The following VPS50 variants were observed in gnomAD, a reference collection of about 807,000 sequenced individuals.
The protein encoded by VPS50 is syndetin.
Under a neutral mutation model 139.7 loss-of-function variants are expected in VPS50, and 70 were observed. That is an observed-to-expected ratio of 0.50 (90% CI 0.41 to 0.61). The LOEUF is 0.61. Ranked by LOEUF, VPS50 falls within the 20% of genes least tolerant of loss-of-function variation. VPS50 has a pLI of 0.00. For synonymous variants in VPS50, 365 were observed against 376.7 expected (o/e 0.97, Z 0.36); for missense variants, 921 against 1,133.7 (o/e 0.81, Z 2.69).
intron 12 of VPS50, among the ~76,000 whole-genome samples, chr7:93,280,426 T>C (rs1796290265): frequency 6.6e-6 from 1 of 152,138 alleles, no homozygotes; most frequent in Non-Finnish European, 1.5e-5. Flanking sequence ...CATACTTCAT[T>C]TCTGGAAAGG....
chr7:93,247,284 G>T (rs750498112), intron 2 of VPS50, among the ~76,000 whole-genome samples: 1 of 151,842 alleles, frequency 6.6e-6, no homozygotes, highest in Non-Finnish European at 1.5e-5. Context: ...TACTTTTAGT[G>T]AAGAAAATAT....
At chr7:93,295,373 C>G (rs1396016214) in intron 14 of VPS50, 1 of 152,132 alleles carries the variant, frequency 6.6e-6, no homozygotes, top group Non-Finnish European at 1.5e-5. Context: ...GAGGGCTCTA[C>G]CTTCACGATT....
chr7:93,274,192 C>T (rs894865361), intron 11 of VPS50, among the ~76,000 whole-genome samples: 12 of 152,040 alleles, frequency 7.9e-5, no homozygotes, highest in Non-Finnish European at 1.8e-4. Context: ...AATGATTAAG[C>T]TTAGTGAAGA....
At chr7:93,299,114 A>G (rs1322570227) in intron 16 of VPS50, among the ~76,000 whole-genome samples, 1 of 152,214 alleles carries the variant, frequency 6.6e-6, no homozygotes, top group Non-Finnish European at 1.5e-5. Context: ...TATTTAAACA[A>G]AAGTTTAAGG....
chr7:93,234,719 T>C (rs1794745924), intron 1 of VPS50, among the ~76,000 whole-genome samples: 1 of 152,188 alleles, frequency 6.6e-6, no homozygotes, highest in African/African-American at 2.4e-5. Flanking sequence ...TGAGTTAATA[T>C]GGAGAGATAG....
chr7:93,276,491 G>T, intron 12 of VPS50, 186 bp downstream of exon 12: 1 of 939,582 alleles, frequency 1.1e-6, no homozygotes, highest in Non-Finnish European at 1.5e-6. Context: ...TCACACAAAT[G>T]GTAAAGGTTA....
At chr7:93,246,092 T>TC in intron 2 of VPS50, 1 of 1,515,462 alleles carries the variant, frequency 6.6e-7, no homozygotes, top group Non-Finnish European at 8.8e-7. Context: ...CTTTTTTTTT[T>TC]TGCTTTCAGT....
chr7:93,344,038 T>C (rs1312083222), intron 23 of VPS50, among the ~76,000 whole-genome samples: 2 of 151,994 alleles, frequency 1.3e-5, no homozygotes, highest in African/African-American at 2.4e-5. Context: ...GACTGGCAAA[T>C]TGGATAAAGA....
At chr7:93,302,217 A>G (rs184970035) in intron 16 of VPS50, among the ~76,000 whole-genome samples, 14 of 152,198 alleles carry the variant, frequency 9.2e-5, no homozygotes, top group Admixed American at 9.2e-4. Context: ...GAGCACAGTC[A>G]CTTTTGGGAA....
chr7:93,272,712 T>C lies in VPS50; in HGVS notation c.780T>C (p.Tyr260=), dbSNP rs1040349800. ...INHYTKVQQA[Y]RLLGKTQTAM... ...ATTATACCAAGGTTCAACAAGCTTA[T>C]CGACTTCTTGGAAAAACACAGGTTT... Residue 260 remains tyrosine, a synonymous_variant, in exon 11 of 28, where the codon TAT becomes TAC. Coordinates refer to ENST00000305866, the MANE Select transcript of VPS50 (RefSeq NM_017667.4). 1 of 1,548,518 alleles carries C rather than the reference T, an allele frequency of 6.5e-7. No individual in the cohort carries two copies. Among genetic ancestry groups the C allele is most frequent in the African/African-American group, 1.4e-5 (1 of 71,666 alleles).
intron 18 of VPS50, among the ~76,000 whole-genome samples, chr7:93,307,976 C>G (rs1342489177): frequency 6.6e-6 from 1 of 151,924 alleles, no homozygotes; most frequent in African/African-American, 2.4e-5. Flanking sequence ...GGAGATAAAA[C>G]TTCCTCATAG....
chr7:93,320,133 G>C (rs1270131984), intron 20 of VPS50, among the ~76,000 whole-genome samples: 2 of 152,020 alleles, frequency 1.3e-5, no homozygotes, highest in African/African-American at 4.8e-5. Context: ...TGAGTAATTA[G>C]AACTATGTTC....
At chr7:93,248,917 T>C (rs923335728) in intron 2 of VPS50, among the ~76,000 whole-genome samples, 5 of 152,142 alleles carry the variant, frequency 3.3e-5, no homozygotes, top group Non-Finnish European at 7.4e-5. Context: ...AGTTATGAAA[T>C]TGTTTTAAAG....
intron 14 of VPS50, among the ~76,000 whole-genome samples, chr7:93,296,038 A>G (rs892837025): frequency 6.6e-6 from 1 of 152,158 alleles, no homozygotes; most frequent in Non-Finnish European, 1.5e-5. Flanking sequence ...ACCATCTTTT[A>G]TAGGATATGT....
Position 93,305,969 on chromosome 7 carries a change from G to A in VPS50, c.1594G>A (p.Asp532Asn). 1 of 1,612,420 alleles carries A rather than the reference G, an allele frequency of 6.2e-7. No homozygotes were observed. Among genetic ancestry groups the A allele is most frequent in the Non-Finnish European group, 8.5e-7 (1 of 1,178,728 alleles). Residue 532 changes from aspartate to asparagine, a missense_variant, in exon 18 of 28, where the codon GAT (aspartate) becomes AAT (asparagine). Physicochemically the swap from Asp to Asn is conservative, Grantham distance 23. This residue lies in a region of VPS50 where 744 missense variants were observed against 930.6 expected (regional missense o/e 0.80). Transcript: ENST00000305866. ...ATTTGAAATTCAGGCCAACCACAAA[G>A]ATGAAGAAACAGAAGATGTCTTAGC... ...NPFEIQANHK[D>N]EETEDVLASN...
chr7:93,334,848 TTCTTGTGGTTGGTC>T (rs1458822100), intron 22 of VPS50, among the ~76,000 whole-genome samples: 1 of 152,228 alleles, frequency 6.6e-6, no homozygotes, highest in Non-Finnish European at 1.5e-5. Context: ...AAATCTTTTT[TTCTTGTGGTTGGTC>T]ACTGTAGCCG....
chr7:93,241,064 T>C (rs886231195), intron 2 of VPS50, among the ~76,000 whole-genome samples: 28 of 152,188 alleles, frequency 1.8e-4, no homozygotes, highest in African/African-American at 6.5e-4. Context: ...ATTCTCTTTA[T>C]TTCTTTGAGT....
chr7:93,305,723 A>G (rs1797094394), intron 17 of VPS50, 105 bp from the exon 18 acceptor site: 1 of 787,144 alleles, frequency 1.3e-6, no homozygotes, highest in African/African-American at 1.8e-5. Flanking sequence ...CTGAAGATCA[A>G]GATGTTGTTT....
At chr7:93,237,554 G>A (rs1488228178) in intron 1 of VPS50, among the ~76,000 whole-genome samples, 4 of 152,080 alleles carry the variant, frequency 2.6e-5, no homozygotes, top group African/African-American at 9.7e-5. Flanking sequence ...TCAGGCATTG[G>A]TTTCTTTACG....
Sources: allele counts gnomAD v4.1 joint callset (sites outside exome capture counted in the v4.1 genomes callset), GRCh38; gene constraint gnomAD v4.1.1; regional missense constraint gnomAD v4.1.1; transcripts MANE v1.5; gene names NCBI Gene and HGNC (gene_info 2026-07-23, HGNC 2026-07-21).